The following SLC14A2 variants were observed in gnomAD, a reference collection of about 807,000 sequenced individuals.
SLC14A2 encodes urea transporter 2.
A neutral mutation model predicts 104.6 loss-of-function variants in SLC14A2; 91 were observed. The ratio of observed to expected loss-of-function variants is 0.87; its 90% CI spans 0.73 to 1.04. The LOEUF is 1.04. SLC14A2 is among the 50% of genes least tolerant of loss of function. The pLI is 0.00. For synonymous variants in SLC14A2, 476 were observed against 466.4 expected (o/e 1.02, Z -0.27); for missense variants, 1,189 against 1,156.0 (o/e 1.03, Z -0.41).
At chr18:45,420,710 C>T (rs1598785061) in intron 1 of SLC14A2, among the ~76,000 whole-genome samples, 2 of 151,368 alleles carry the variant, frequency 1.3e-5, no homozygotes, top group African/African-American at 2.4e-5. Flanking sequence ...ATTTGCCAAT[C>T]GTTTGGTACA....
intron 2 of SLC14A2, among the ~76,000 whole-genome samples, chr18:45,585,513 A>G (rs1284496589): frequency 2.6e-5 from 4 of 152,216 alleles, no homozygotes; most frequent in Admixed American, 2.6e-4. Flanking sequence ...TTCCAAGATT[A>G]TGTTTCCTAT....
At chr18:45,221,636 A>G (rs1163693128) in intron 1 of SLC14A2, among the ~76,000 whole-genome samples, 1 of 152,170 alleles carries the variant, frequency 6.6e-6, no homozygotes, top group Non-Finnish European at 1.5e-5. Context: ...CAGATACTCA[A>G]TGTGTCATTT....
intron 2 of SLC14A2, among the ~76,000 whole-genome samples, chr18:45,553,590 C>A (rs1050555689): frequency 2.0e-5 from 3 of 152,074 alleles, no homozygotes; most frequent in African/African-American, 7.2e-5. Flanking sequence ...TCATTAGATT[C>A]TCGAGGGCCC....
chr18:45,554,681 C>T (rs1399024558), intron 2 of SLC14A2, among the ~76,000 whole-genome samples: 1 of 152,010 alleles, frequency 6.6e-6, no homozygotes, highest in Admixed American at 6.6e-5. Flanking sequence ...ATAAGGAGGG[C>T]CGCCCTTCTG....
intron 1 of SLC14A2, among the ~76,000 whole-genome samples, chr18:45,478,462 G>A (rs2087427571): frequency 6.6e-6 from 1 of 152,214 alleles, no homozygotes; most frequent in African/African-American, 2.4e-5. Flanking sequence ...ATGATAGTTT[G>A]CTTGGCACAG....
Position 45,571,561 on chromosome 18 carries a change from GACA to G in SLC14A2, c.-34-53067_-34-53065del, listed in dbSNP as rs201130983. Among the ~76,000 whole-genome samples the G allele has an allele frequency of 1.6e-4, 25 of 152,322 alleles. No homozygotes were observed. The East Asian group carries it at 3.7e-3, about 22-fold the overall frequency. On this transcript the variant is annotated intron_variant, in intron 2 of 20. Coordinates refer to the SLC14A2 transcript ENST00000586448. ...ATCATTATAAAATTCTAAGAAATCAGACAACGTCTTTAAAGTAATGGTCCTAGT... is the reference window on the plus strand; with the variant it reads ...ATCATTATAAAATTCTAAGAAATCAGACGTCTTTAAAGTAATGGTCCTAGT...
intron 1 of SLC14A2, among the ~76,000 whole-genome samples, chr18:45,395,961 A>G (rs1270470146): frequency 1.3e-5 from 2 of 152,144 alleles, no homozygotes; most frequent in East Asian, 1.9e-4. Context: ...AATCAATGCA[A>G]TGGTCTTCAT....
At chr18:45,407,900 TCACC>T (rs1478251831) in intron 1 of SLC14A2, among the ~76,000 whole-genome samples, 2 of 152,118 alleles carry the variant, frequency 1.3e-5, no homozygotes, top group Non-Finnish European at 2.9e-5. Flanking sequence ...TGATCACAGA[TCACC>T]ATAACAGATA....
the SLC14A2 span, among the ~76,000 whole-genome samples, chr18:45,202,134 C>T: frequency 6.6e-6 from 1 of 152,130 alleles, no homozygotes; most frequent in Non-Finnish European, 1.5e-5. Flanking sequence ...AACAAAGAAA[C>T]TTAAATGTTT....
At chr18:45,390,814 C>T (rs201588714) in intron 1 of SLC14A2, among the ~76,000 whole-genome samples, 10 of 152,318 alleles carry the variant, frequency 6.6e-5, no homozygotes, top group South Asian at 2.1e-4. Flanking sequence ...CCAGGTGAGA[C>T]ACTCAATATT....
chr18:45,168,641 C>T, the SLC14A2 span: 1 of 152,104 alleles, frequency 6.6e-6, no homozygotes, highest in African/African-American at 2.4e-5. Flanking sequence ...AAGTGACTTC[C>T]TTTTGAAAAT....
At chr18:45,524,387 A>G (rs1325123129) in intron 2 of SLC14A2, among the ~76,000 whole-genome samples, 1 of 152,170 alleles carries the variant, frequency 6.6e-6, no homozygotes, top group East Asian at 1.9e-4. Context: ...GGACTTGAAG[A>G]CCCAGTAGGG....
chr18:45,560,247 T>G (rs2044184131), intron 2 of SLC14A2, among the ~76,000 whole-genome samples: 1 of 152,172 alleles, frequency 6.6e-6, no homozygotes, highest in African/African-American at 2.4e-5. Flanking sequence ...CAAGGTGTAT[T>G]ATCTCTTTTC....
rs146517656 is a variant in SLC14A2 at position 45,305,120 on chromosome 18, A to G, written c.-125+91929A>G. ...GATCCAGATGTAGAAAACTAATGGG[A>G]TGGGGCTGGGAAGGCCAAAGCATTT... On this transcript the variant is annotated intron_variant, in intron 1 of 20. Coordinates refer to the SLC14A2 transcript ENST00000586448. 2.0e-3 allele frequency among the ~76,000 whole-genome samples: 312 copies of G among 152,264 alleles called. 1 individual carries two copies. Among genetic ancestry groups the G allele is most frequent in the African/African-American group, 7.0e-3 (291 of 41,560 alleles).
At chr18:45,500,576 CAAAAAAA>C (rs34543837) in intron 2 of SLC14A2, among the ~76,000 whole-genome samples, 1 of 93,910 alleles carries the variant, frequency 1.1e-5, no homozygotes, top group South Asian at 3.7e-4. Context: ...GACTCCGTCT[CAAAAAAA>C]AAAAAAAAAA....
At chr18:45,513,040 C>A (rs2144791664) in intron 2 of SLC14A2, among the ~76,000 whole-genome samples, 1 of 152,288 alleles carries the variant, frequency 6.6e-6, no homozygotes, top group South Asian at 2.1e-4. Context: ...GCCTATGTCA[C>A]CACCAACAAT....
chr18:45,292,166 T>C (rs1479767350), intron 1 of SLC14A2, among the ~76,000 whole-genome samples: 1 of 152,214 alleles, frequency 6.6e-6, no homozygotes, highest in African/African-American at 2.4e-5. Flanking sequence ...CTAATTGACA[T>C]GAAGTGCCTG....
At chr18:45,297,449 A>G (rs2084927737) in intron 1 of SLC14A2, among the ~76,000 whole-genome samples, 1 of 152,220 alleles carries the variant, frequency 6.6e-6, no homozygotes, top group African/African-American at 2.4e-5. Context: ...ACTAATGCAG[A>G]TGAGAGTGTT....
At chr18:45,589,381 A>G (rs949344439) in intron 2 of SLC14A2, among the ~76,000 whole-genome samples, 6 of 151,916 alleles carry the variant, frequency 3.9e-5, no homozygotes, top group African/African-American at 1.5e-4. Context: ...GTGCACACAA[A>G]CACACACACA....
Sources: allele counts gnomAD v4.1 joint callset (sites outside exome capture counted in the v4.1 genomes callset), GRCh38; gene constraint gnomAD v4.1.1; transcripts MANE v1.5; gene names NCBI Gene and HGNC (gene_info 2026-07-23, HGNC 2026-07-21).